USP50: variants seen among roughly 807,000 people sequenced by gnomAD.
The protein encoded by USP50 is ubiquitin carboxyl-terminal hydrolase 50.
A neutral mutation model predicts 39.2 loss-of-function variants in USP50; 37 were observed. The observed-to-expected ratio is 0.94, with a 90% CI of 0.73 to 1.24. USP50 has a LOEUF of 1.24. USP50 is among the 50% of genes most tolerant of loss of function. The pLI is 0.00. For missense variants in USP50, 374 were observed against 398.2 expected, an observed-to-expected ratio of 0.94 and a Z score of 0.52; for synonymous variants, 139 against 144.5, an observed-to-expected ratio of 0.96 and a Z score of 0.27.
At chr15:50,515,665 TA>T in intron 6 of USP50, among the ~76,000 whole-genome samples, 1 of 150,994 alleles carries the variant, frequency 6.6e-6, no homozygotes, top group East Asian at 1.9e-4. Context: ...TATATATATA[TA>T]TATATATTTA....
intron 5 of USP50, chr15:50,531,897 G>T (rs147492821): frequency 2.8e-5 from 7 of 253,006 alleles, no homozygotes; most frequent in African/African-American, 1.5e-4. Flanking sequence ...AGAATTAACC[G>T]AAAGGAAAAT....
In USP50 at chr15:50,529,837, A is replaced by C; in HGVS notation, c.896T>G (p.Ile299Ser). 6.2e-7 allele frequency: 1 copy of C among 1,613,924 alleles called. No individual in the cohort carries two copies. The highest frequency in any genetic ancestry group is 8.5e-7 in the Non-Finnish European group (1 of 1,179,862). ...NLDLTPYICS[I>S]FRKYPKYNLC... ...GTTGTATTTAGGATATTTCCGGAAAATTGAGCAAATATAAGGAGTGAGGTC... is the reference window on the plus strand; with the variant it reads ...GTTGTATTTAGGATATTTCCGGAAACTTGAGCAAATATAAGGAGTGAGGTC... The change falls in exon 6 of 7, where the codon ATT becomes AGT. Residue 299 changes from isoleucine (I) to serine (S), a missense_variant. Ile to Ser is a moderately radical substitution (Grantham distance 142, BLOSUM62 -2). Transcript: ENST00000532404.
At chr15:50,525,482 A>G (rs12913683) in intron 6 of USP50, among the ~76,000 whole-genome samples, 19 of 124,738 alleles carry the variant, frequency 1.5e-4, no homozygotes, top group East Asian at 6.7e-4. Context: ...GTGTGTGTGT[A>G]TATATATGTA....
chr15:50,525,644 G>A (rs71394997), intron 6 of USP50, among the ~76,000 whole-genome samples: 2,746 of 78,692 alleles, frequency 0.035, 268 homozygotes, highest in African/African-American at 0.082. Flanking sequence ...ATGTATATGT[G>A]TATATGTATA....
chr15:50,498,385 A>C (rs576815608), downstream of USP50: 6 of 549,144 alleles, frequency 1.1e-5, no homozygotes, highest in East Asian at 1.6e-4. Flanking sequence ...GACCTTAGGC[A>C]CATCATTAAA....
rs1596023276 is a variant in USP50 at position 50,546,597 on chromosome 15, G to A, written c.-72C>T. On this transcript the variant is annotated 5_prime_UTR_variant, in exon 1 of 7. Transcript: ENST00000532404. ...CTATTCCTTTCAACTTCATTTCTCTGAGCCTGTTAACGCTGGCTTTTTGTT... is the reference window on the plus strand; with the variant it reads ...CTATTCCTTTCAACTTCATTTCTCTAAGCCTGTTAACGCTGGCTTTTTGTT... 9 of 1,565,924 alleles carry A rather than the reference G, an allele frequency of 5.7e-6. No homozygotes were observed. The East Asian group carries it at 1.6e-4, about 27-fold the overall frequency.
At position 50,529,803 on chromosome 15, in the gene USP50, T is replaced by C. The variant is rs1377669150; in HGVS notation, c.930A>G (p.Ala310=). 1 of 1,613,444 alleles carries C rather than the reference T, an allele frequency of 6.2e-7. No homozygotes were observed. Among genetic ancestry groups the C allele is most frequent in the Non-Finnish European group, 8.5e-7 (1 of 1,179,768 alleles). ...ACAGTTTGTTTTTACTCACCACCACTGCACAGAGGTTGTATTTAGGATATT... is the reference window on the plus strand; with the variant it reads ...ACAGTTTGTTTTTACTCACCACCACCGCACAGAGGTTGTATTTAGGATATT... ...FRKYPKYNLC[A]VVNHFGDLDG... The change falls in exon 6 of 7, where the codon GCA becomes GCG. Residue 310 remains alanine (A), a synonymous_variant. Coordinates refer to ENST00000532404, the MANE Select transcript of USP50 (RefSeq NM_203494.5).
intron 6 of USP50, among the ~76,000 whole-genome samples, chr15:50,527,020 G>A (rs950375053): frequency 6.6e-5 from 10 of 152,178 alleles, no homozygotes; most frequent in African/African-American, 2.4e-4. Context: ...GCCTTGTAAA[G>A]CAGTAAACTC....
chr15:50,515,867 A>G (rs1358338108), intron 6 of USP50, among the ~76,000 whole-genome samples: 1 of 152,126 alleles, frequency 6.6e-6, no homozygotes, highest in African/African-American at 2.4e-5. Flanking sequence ...TAAAAGCAAA[A>G]TATTTGATAT....
chr15:50,515,380 TA>T (rs1234976362), intron 6 of USP50, among the ~76,000 whole-genome samples: 4 of 152,096 alleles, frequency 2.6e-5, no homozygotes, highest in African/African-American at 9.7e-5. Context: ...TAGCTGAGAT[TA>T]TGGGCATGTG....
intron 6 of USP50, chr15:50,506,938 A>C (rs1483893310): frequency 8.5e-6 from 1 of 117,410 alleles, no homozygotes; most frequent in Non-Finnish European, 1.6e-5. Context: ...AGCCTGGGCG[A>C]CAGAGCGAGA....
At chr15:50,497,004 G>A, downstream of USP50, 1 of 1,484,850 alleles carries the variant, frequency 6.7e-7, no homozygotes, top group Non-Finnish European at 9.0e-7. Flanking sequence ...ACTGGTGCCT[G>A]CAGAGTGACT....
At chr15:50,514,057 C>A (rs963329563) in intron 6 of USP50, 1 of 152,122 alleles carries the variant, frequency 6.6e-6, no homozygotes, top group African/African-American at 2.4e-5. Context: ...GTAGTATTTT[C>A]ATACAATGGA....
chr15:50,503,570 C>T (rs1382213295), intron 6 of USP50: 1 of 152,220 alleles, frequency 6.6e-6, no homozygotes, highest in Non-Finnish European at 1.5e-5. Flanking sequence ...AAAATCCACC[C>T]TCTAGTGCTT....
intron 6 of USP50, among the ~76,000 whole-genome samples, chr15:50,523,382 G>A (rs3109885): frequency 0.5 from 74,509 of 150,452 alleles, 18,763 homozygotes; most frequent in East Asian, 0.57. Context: ...TATGTTGTCC[G>A]GGCTGGTCTT....
chr15:50,529,058 T>C (rs1000708642), intron 6 of USP50, among the ~76,000 whole-genome samples: 3 of 152,158 alleles, frequency 2.0e-5, no homozygotes, highest in Admixed American at 6.5e-5. Context: ...CCATGCTTTC[T>C]TTCCTTCAGG....
chr15:50,520,685 T>C (rs1223571620), intron 6 of USP50, among the ~76,000 whole-genome samples: 1 of 151,892 alleles, frequency 6.6e-6, no homozygotes, highest in African/African-American at 2.4e-5. Flanking sequence ...TGCAGTAACA[T>C]GGATGGAACT....
At chr15:50,525,709 A>ATAT (rs1431892468) in intron 6 of USP50, among the ~76,000 whole-genome samples, 1 of 80,432 alleles carries the variant, frequency 1.2e-5, no homozygotes, top group Non-Finnish European at 2.7e-5. Context: ...ATATATATGT[A>ATAT]TATATGTATA....
intron 6 of USP50, among the ~76,000 whole-genome samples, chr15:50,524,990 T>C (rs62019122): frequency 0.19 from 28,592 of 152,246 alleles, 2,950 homozygotes; most frequent in Admixed American, 0.29. Flanking sequence ...CCCATGCTCA[T>C]TGCAGTATTG....
Sources: gnomAD v4.1 joint callset for allele counts (sites outside exome capture counted in the v4.1 genomes callset) on GRCh38, gnomAD v4.1.1 for gene constraint, MANE v1.5 for transcripts, NCBI Gene and HGNC (gene_info 2026-07-23, HGNC 2026-07-21) for gene names.